The following SLC15A5 variants were observed in gnomAD, a reference collection of about 807,000 sequenced individuals.
The protein encoded by SLC15A5 is solute carrier family 15 member 5.
In SLC15A5, 58 loss-of-function variants were observed where a neutral mutation model predicts 56.1. The observed-to-expected ratio is 1.03, with a 90% CI of 0.84 to 1.29. The LOEUF (loss-of-function observed/expected upper bound fraction) is 1.29. Among genes scored for constraint, SLC15A5 ranks in the 50% most tolerant of loss-of-function variants. The pLI is 0.00. For synonymous variants in SLC15A5, 264 were observed against 250.5 expected, an observed-to-expected ratio of 1.05 and a Z score of -0.51; for missense variants, 681 against 672.1, an observed-to-expected ratio of 1.01 and a Z score of -0.15.
chr12:16,201,586 GT>G (rs1448337555), intron 7 of SLC15A5, among the ~76,000 whole-genome samples: 2 of 152,072 alleles, frequency 1.3e-5, no homozygotes, highest in East Asian at 1.9e-4. Context: ...CATGGGGGTG[GT>G]TTCCCCCATG....
intron 5 of SLC15A5, among the ~76,000 whole-genome samples, chr12:16,238,659 T>C (rs1162056638): frequency 6.6e-6 from 1 of 150,738 alleles, no homozygotes; most frequent in African/African-American, 2.4e-5. Context: ...AAGAACAGGT[T>C]AACCGAGAGA....
At chr12:16,242,285 G>T in intron 4 of SLC15A5, among the ~76,000 whole-genome samples, 1 of 150,806 alleles carries the variant, frequency 6.6e-6, no homozygotes, top group African/African-American at 2.4e-5. Context: ...CCTCCCTGGT[G>T]AAGTATGATC....
rs950337479 is a variant in SLC15A5, at chr12:16,188,624, G to A, written c.*1044C>T. The A allele has an allele frequency of 7.9e-5, 12 of 152,184 alleles. No individual in the cohort carries two copies. Among genetic ancestry groups the A allele is most frequent in the African/African-American group, 2.4e-4 (10 of 41,440 alleles). 9.4% of individuals were successfully genotyped at this position (152,184 alleles called of 1,614,324 possible). On this transcript the variant is annotated 3_prime_UTR_variant, in exon 9 of 9. Transcript: ENST00000344941. The stretch of plus-strand genomic sequence containing the variant: ...AACATGAATTGTCCTGGAAAGCAAT[G>A]GCTTTTAAACCTTAGGGAACATGAG...
At chr12:16,234,493 A>C (rs1005905914) in intron 5 of SLC15A5, among the ~76,000 whole-genome samples, 1 of 152,206 alleles carries the variant, frequency 6.6e-6, no homozygotes, top group African/African-American at 2.4e-5. Flanking sequence ...AATCCACTCC[A>C]TTTTTAATTC....
chr12:16,244,776 C>G lies in SLC15A5; in HGVS notation c.779G>C (p.Gly260Ala). The G allele has an allele frequency of 2.0e-6, 3 of 1,537,762 alleles. No homozygotes were observed. Among genetic ancestry groups the G allele is most frequent in the Non-Finnish European group, 1.7e-6 (2 of 1,147,042 alleles). Reference sequence around the variant, plus strand: ...TGTTTTCAGTGCACTAACCAACACCCCAACGCCTGTCAGGAGAGAACAACC... The same window carrying G: ...TGTTTTCAGTGCACTAACCAACACCGCAACGCCTGTCAGGAGAGAACAACC... Reference protein sequence around the residue: ...EKRCSLLTGVGVLVSALKTCH... With the variant: ...EKRCSLLTGVAVLVSALKTCH... Residue 260 changes from glycine (G) to alanine (A), a missense_variant, in exon 4 of 9, where the codon GGG (glycine) becomes GCG (alanine). By Grantham distance (60) the Gly-to-Ala change is moderately conservative (BLOSUM62 0). Coordinates refer to ENST00000344941, the MANE Select transcript of SLC15A5 (RefSeq NM_001170798.1).
intron 3 of SLC15A5, among the ~76,000 whole-genome samples, chr12:16,249,111 A>T (rs1474031763): frequency 6.6e-6 from 1 of 152,060 alleles, no homozygotes; most frequent in Non-Finnish European, 1.5e-5. Context: ...AAAAAAGCCT[A>T]CATTGCACTC....
In SLC15A5 at chr12:16,195,848, T is replaced by C. The variant is rs180910080; in HGVS notation, c.1484-1395A>G. ...TTGTGCCACTTCCCATTTAAAGCTG[T>C]TTGTCTTCTGTCTTTTACCTACTCA... On this transcript the variant is annotated intron_variant, in intron 7 of 8. Transcript: ENST00000344941. Among the ~76,000 whole-genome samples, 5 of 152,250 alleles carry C rather than the reference T, an allele frequency of 3.3e-5. No individual in the cohort carries two copies. The East Asian group carries it at 9.6e-4, about 29-fold the overall frequency.
chr12:16,210,108 T>G (rs1864064165), intron 7 of SLC15A5, among the ~76,000 whole-genome samples: 1 of 152,220 alleles, frequency 6.6e-6, no homozygotes, highest in Non-Finnish European at 1.5e-5. Flanking sequence ...TATGCACCTA[T>G]CAATTCTTTA....
intron 2 of SLC15A5, among the ~76,000 whole-genome samples, chr12:16,270,654 G>C (rs1384610824): frequency 6.6e-6 from 1 of 152,132 alleles, no homozygotes; most frequent in Non-Finnish European, 1.5e-5. Flanking sequence ...CCACTTTGTG[G>C]ATGAGGAACC....
At chr12:16,277,217 T>G in intron 1 of SLC15A5, 108 bp downstream of exon 1, 1 of 1,105,106 alleles carries the variant, frequency 9.0e-7, no homozygotes. Flanking sequence ...TTACTTCATT[T>G]ATCACATTTT....
chr12:16,244,790 G>A lies in SLC15A5; in HGVS notation c.765C>T (p.Leu255=). 6.5e-7 allele frequency: 1 copy of A among 1,537,764 alleles called. No homozygotes were observed. The highest frequency in any genetic ancestry group is 1.4e-5 in the African/African-American group (1 of 73,160). Residue 255 remains leucine (L), a synonymous_variant, in exon 4 of 9, where the codon CTC becomes CTT. Transcript: ENST00000344941. ...TAACCAACACCCCAACGCCTGTCAG[G>A]AGAGAACAACCTGCAAGTAATCGGA... ...LIYQSEKRCS[L]LTGVGVLVSA... is the part of the protein sequence containing the mutation.
intron 2 of SLC15A5, among the ~76,000 whole-genome samples, chr12:16,259,271 C>A (rs943251227): frequency 6.6e-5 from 10 of 151,112 alleles, no homozygotes; most frequent in African/African-American, 2.4e-4. Flanking sequence ...TTCCTCTCTC[C>A]TCTCCTCTTC....
chr12:16,243,078 C>T lies in SLC15A5; in HGVS notation c.975+1502G>A, dbSNP rs1189796815. ...ATATGTCCACATATGGGTTCCGTGG[C>T]AATTACTCAACTCTGCTATTTTTGT... is the stretch of plus-strand genomic sequence containing the variant. On this transcript the variant is annotated intron_variant, in intron 4 of 8. Coordinates refer to ENST00000344941, the MANE Select transcript of SLC15A5 (RefSeq NM_001170798.1). This position sits in a 1 kb window ranked among gnomAD's most constrained non-coding sequence, Gnocchi z 4.4. 2.0e-5 allele frequency among the ~76,000 whole-genome samples: 3 copies of T among 152,044 alleles called. No individual in the cohort carries two copies. In the South Asian group the frequency reaches 6.2e-4, roughly 31 times the overall value.
At chr12:16,199,210 C>CTGATATGTG (rs1373446481) in intron 7 of SLC15A5, among the ~76,000 whole-genome samples, 50 of 150,530 alleles carry the variant, frequency 3.3e-4, no homozygotes, top group African/African-American at 1.2e-3. Flanking sequence ...AGTGCAACCC[C>CTGATATGTG]AGGTGACCCT....
At chr12:16,206,906 G>A (rs565967072) in intron 7 of SLC15A5, among the ~76,000 whole-genome samples, 1 of 152,260 alleles carries the variant, frequency 6.6e-6, no homozygotes, top group African/African-American at 2.4e-5. Context: ...TTTCTTATAA[G>A]GGTGAGTTCA....
Position 16,204,734 on chromosome 12 carries a change from G to A in SLC15A5, c.1484-10281C>T, listed in dbSNP as rs1271929645. 2.6e-5 allele frequency among the ~76,000 whole-genome samples: 4 copies of A among 151,976 alleles called. No individual in the cohort carries two copies. In the East Asian group the frequency reaches 7.7e-4, roughly 29 times the overall value. On this transcript the variant is annotated intron_variant, in intron 7 of 8. Coordinates refer to ENST00000344941, the MANE Select transcript of SLC15A5 (RefSeq NM_001170798.1). The stretch of plus-strand genomic sequence containing the variant: ...GTTTCATTTCACTTACTGTATGGTT[G>A]TGAAATATTTAAAGTTTAACCAACT...
chr12:16,204,875 G>A (rs2136241301), intron 7 of SLC15A5, among the ~76,000 whole-genome samples: 1 of 151,954 alleles, frequency 6.6e-6, no homozygotes, highest in East Asian at 1.9e-4. Context: ...TCCAAAATGG[G>A]AAACCATTAA....
At chr12:16,240,121 C>T (rs954187272) in intron 4 of SLC15A5, among the ~76,000 whole-genome samples, 1 of 152,114 alleles carries the variant, frequency 6.6e-6, no homozygotes, top group African/African-American at 2.4e-5. Context: ...CTTAATTTTT[C>T]TATGAAAAGT....
intron 2 of SLC15A5, among the ~76,000 whole-genome samples, chr12:16,270,573 T>A (rs1232189676): frequency 1.3e-5 from 2 of 152,178 alleles, no homozygotes; most frequent in African/African-American, 4.8e-5. Context: ...ACAATAGCTA[T>A]CATAATTTGA....
Sources: gnomAD v4.1 joint callset for allele counts (sites outside exome capture counted in the v4.1 genomes callset) on GRCh38, gnomAD v4.1.1 for gene constraint, Gnocchi (gnomAD v3.1) non-coding constraint, MANE v1.5 for transcripts, NCBI Gene and HGNC (gene_info 2026-07-23, HGNC 2026-07-21) for gene names.